The following ST6GAL1 variants were observed in gnomAD, a reference collection of about 807,000 sequenced individuals.
ST6GAL1 encodes beta-galactoside alpha-2,6-sialyltransferase 1.
Under a neutral mutation model 38.0 loss-of-function variants are expected in ST6GAL1, and 20 were observed. That is an observed-to-expected ratio of 0.53 (90% confidence interval 0.37 to 0.77). The LOEUF (loss-of-function observed/expected upper bound fraction) is 0.77, where lower values mean the gene tolerates loss of function less well. ST6GAL1 is among the 30% of genes least tolerant of loss of function. The pLI, the probability that ST6GAL1 is intolerant of heterozygous loss-of-function variation, is 0.00. For missense variants in ST6GAL1, 432 were observed against 496.4 expected (o/e 0.87, Z 1.23); for synonymous variants, 196 against 188.2 (o/e 1.04, Z -0.34).
At chr3:187,041,326 G>A (rs1718117683) in intron 3 of ST6GAL1, among the ~76,000 whole-genome samples, 1 of 152,124 alleles carries the variant, frequency 6.6e-6, no homozygotes. Context: ...CTTAGGAGCG[G>A]GATCCATGGG....
intron 2 of ST6GAL1, among the ~76,000 whole-genome samples, chr3:187,002,626 T>A (rs1716658102): frequency 6.6e-6 from 1 of 152,232 alleles, no homozygotes; most frequent in South Asian, 2.1e-4. Flanking sequence ...TCTGTGCCAA[T>A]TACCTTTGCT....
In ST6GAL1 at chr3:186,943,480, C is replaced by G. The variant is rs912128669; in HGVS notation, c.-325+12646C>G. Among the ~76,000 whole-genome samples, 11 of 152,228 alleles carry G rather than the reference C, an allele frequency of 7.2e-5. No homozygotes were observed. In the South Asian group the frequency reaches 8.3e-4, roughly 11 times the overall value. ...TTATTTATTTATTTTTAGACGGAGTCTCGCTCTTGCTCAGGCTGGAGTGCA... is the reference window on the plus strand; with the variant it reads ...TTATTTATTTATTTTTAGACGGAGTGTCGCTCTTGCTCAGGCTGGAGTGCA... On this transcript the variant is annotated intron_variant, in intron 1 of 7. Transcript: ENST00000169298.
intron 5 of ST6GAL1, among the ~76,000 whole-genome samples, chr3:187,057,958 A>C (rs1429214695): frequency 1.3e-5 from 2 of 152,032 alleles, no homozygotes; most frequent in Non-Finnish European, 2.9e-5. Flanking sequence ...ACCTACTTCG[A>C]GCTTCCAGGG....
chr3:186,963,406 A>G (rs1006293235), intron 1 of ST6GAL1, among the ~76,000 whole-genome samples: 5 of 152,150 alleles, frequency 3.3e-5, no homozygotes, highest in African/African-American at 4.8e-5. Context: ...ACAACATACT[A>G]TAGGTCAAAG....
chr3:187,012,267 TC>T (rs1348429067), intron 2 of ST6GAL1, among the ~76,000 whole-genome samples: 5 of 143,854 alleles, frequency 3.5e-5, no homozygotes, highest in African/African-American at 1.3e-4. Context: ...ATTTTTTTTT[TC>T]TTTTTTTGAG....
chr3:186,931,831 TG>T lies in ST6GAL1; in HGVS notation c.-325+1001del, dbSNP rs1472779437. On this transcript the variant is annotated intron_variant, in intron 1 of 7. Transcript: ENST00000169298. ...GCCAGCCGAGACCTCGTATTCTAGCTGGGGACGTACAATTTTCAGTTCTGAG... is the reference window on the plus strand; with the variant it reads ...GCCAGCCGAGACCTCGTATTCTAGCTGGGACGTACAATTTTCAGTTCTGAG... Among the ~76,000 whole-genome samples, 5 of 152,380 alleles carry T rather than the reference TG, an allele frequency of 3.3e-5. No individual in the cohort carries two copies. The South Asian group carries it at 8.3e-4, about 25-fold the overall frequency.
chr3:187,043,082 A>G lies in ST6GAL1; in HGVS notation c.379A>G (p.Lys127Glu). 6.2e-7 allele frequency: 1 copy of G among 1,614,212 alleles called. No homozygotes were observed. Among genetic ancestry groups the G allele is most frequent in the Non-Finnish European group, 8.5e-7 (1 of 1,180,034 alleles). ...CATGAACAAGTACAAAGTGTCCTAC[A>G]AGGGGCCAGGACCAGGCATCAAGTT... is the stretch of plus-strand genomic sequence containing the variant. ...LSMNKYKVSY[K>E]GPGPGIKFSA... is the part of the protein sequence containing the mutation. Residue 127 changes from lysine to glutamate, a missense_variant, in exon 4 of 8, where the codon AAG becomes GAG. Coordinates refer to ENST00000169298, the MANE Select transcript of ST6GAL1 (RefSeq NM_173216.2).
intron 2 of ST6GAL1, among the ~76,000 whole-genome samples, chr3:186,973,315 C>G (rs573421097): frequency 2.0e-5 from 3 of 152,212 alleles, no homozygotes; most frequent in Admixed American, 2.0e-4. Flanking sequence ...GGATTACAGG[C>G]GTGAGCCACT....
At chr3:187,072,228 G>T (rs1173316319) in intron 5 of ST6GAL1, 1 of 153,606 alleles carries the variant, frequency 6.5e-6, no homozygotes, top group African/African-American at 2.4e-5. Context: ...CACCAGCCCG[G>T]TGAGGGTCTC....
intron 2 of ST6GAL1, among the ~76,000 whole-genome samples, chr3:187,036,927 T>C (rs1717950807): frequency 6.6e-6 from 1 of 152,224 alleles, no homozygotes; most frequent in Non-Finnish European, 1.5e-5. Context: ...TTTTCTTCTT[T>C]GTGTGCGTAT....
chr3:186,985,486 A>G (rs1579295607), intron 2 of ST6GAL1, among the ~76,000 whole-genome samples: 1 of 151,732 alleles, frequency 6.6e-6, no homozygotes, highest in Non-Finnish European at 1.5e-5. Flanking sequence ...AAAGTTTTTG[A>G]AAGGATATGA....
intron 5 of ST6GAL1, among the ~76,000 whole-genome samples, chr3:187,064,875 T>G (rs893000675): frequency 2.0e-5 from 3 of 152,192 alleles, no homozygotes; most frequent in African/African-American, 4.8e-5. Context: ...CCACCCCCAC[T>G]CCACAAGGAG....
At position 187,077,074 on chromosome 3, in the gene ST6GAL1, G is replaced by C. The variant is rs1719589382; in HGVS notation, c.*1271G>C. ...GCTGAAGGTCTCTCAGGGTGTAGTG[G>C]TGTGGCTCTCTGGACTTAACGTCAC... is the stretch of plus-strand genomic sequence containing the variant. On this transcript the variant is annotated 3_prime_UTR_variant, in exon 8 of 8. Transcript: ENST00000169298. 2.5e-6 allele frequency: 1 copy of C among 398,284 alleles called. No homozygotes were observed. The allele number at this position is 398,284 out of a possible 1,614,324, so 24.7% of individuals were successfully genotyped here. A position where few individuals can be genotyped will look rare whatever the true frequency, so the allele number is the denominator to read the frequency against.
intron 2 of ST6GAL1, among the ~76,000 whole-genome samples, chr3:187,014,601 C>T (rs1717060676): frequency 6.6e-6 from 1 of 152,214 alleles, no homozygotes; most frequent in Non-Finnish European, 1.5e-5. Flanking sequence ...GCTTGGTCAG[C>T]ATGCAGGAGT....
At chr3:186,936,847 C>T (rs1430368530) in intron 1 of ST6GAL1, among the ~76,000 whole-genome samples, 1 of 146,834 alleles carries the variant, frequency 6.8e-6, no homozygotes, top group Non-Finnish European at 1.5e-5. Context: ...GAGGCTGAGG[C>T]AGGAGAATCG....
At chr3:186,970,308 A>G (rs1309551225) in intron 2 of ST6GAL1, among the ~76,000 whole-genome samples, 19 of 148,766 alleles carry the variant, frequency 1.3e-4, no homozygotes, top group African/African-American at 4.7e-4. Flanking sequence ...ACCGCCTCCC[A>G]GGTTCAAGCA....
intron 2 of ST6GAL1, among the ~76,000 whole-genome samples, chr3:187,015,979 G>A (rs1717102989): frequency 6.6e-6 from 1 of 152,372 alleles, no homozygotes; most frequent in South Asian, 2.1e-4. Flanking sequence ...AGATGGAAAG[G>A]ATAACACGGT....
At chr3:187,072,991 G>C (rs772184000) in intron 6 of ST6GAL1, 44 bp downstream of exon 6, 1 of 1,476,012 alleles carries the variant, frequency 6.8e-7, no homozygotes, top group African/African-American at 1.4e-5. Flanking sequence ...TTTCCTGTCT[G>C]TCTACAGATT....
chr3:186,942,210 G>C (rs1032923127), intron 1 of ST6GAL1: 3 of 152,186 alleles, frequency 2.0e-5, no homozygotes, highest in African/African-American at 7.2e-5. Flanking sequence ...GTTTTCACCT[G>C]CTCTGAAAAG....
Sources: allele counts gnomAD v4.1 joint callset (sites outside exome capture counted in the v4.1 genomes callset), GRCh38; gene constraint gnomAD v4.1.1; transcripts MANE v1.5; gene names NCBI Gene and HGNC (gene_info 2026-07-23, HGNC 2026-07-21).